Variants in RGS7 observed in about 807,000 individuals in gnomAD.
RGS7 encodes regulator of G protein signaling 7.
In RGS7, 27 loss-of-function variants were observed where a neutral mutation model predicts 81.1. The ratio of observed to expected loss-of-function variants is 0.33; its 90% confidence interval spans 0.25 to 0.46. The LOEUF (loss-of-function observed/expected upper bound fraction) is 0.46. Ranked by LOEUF, RGS7 falls within the 20% of genes least tolerant of loss-of-function variation. The pLI is 1.00. For missense variants in RGS7, 396 were observed against 607.4 expected (o/e 0.65, Z 3.66); for synonymous variants, 208 against 207.7 (o/e 1.00, Z -0.01).
intron 2 of RGS7, among the ~76,000 whole-genome samples, chr1:241,244,092 G>A (rs756228609): frequency 6.6e-6 from 1 of 152,016 alleles, no homozygotes; most frequent in Non-Finnish European, 1.5e-5. Context: ...GACCTATCCA[G>A]GTACATATTA....
chr1:241,299,533 C>T (rs1332734192), intron 2 of RGS7, among the ~76,000 whole-genome samples: 1 of 151,746 alleles, frequency 6.6e-6, no homozygotes, highest in African/African-American at 2.4e-5. Flanking sequence ...TCAGCTTTGG[C>T]TGCTATGGCA....
rs60881082 is a variant in RGS7, at chr1:241,153,610, C to A, written c.79-54848G>T. Among the ~76,000 whole-genome samples, 462 of 152,374 alleles carry A rather than the reference C, an allele frequency of 3.0e-3. 12 individuals carry two copies. In the East Asian group the frequency reaches 0.056, roughly 19 times the overall value. ...TACCACCTGTGTTGGGGCAGGTAAG[C>A]CCACCTCTTTGGGTGTTCAGCATTG... is the stretch of plus-strand genomic sequence containing the variant. On this transcript the variant is annotated intron_variant, in intron 2 of 18. Transcript: ENST00000440928.
chr1:241,314,742 G>A (rs944593551), intron 2 of RGS7, among the ~76,000 whole-genome samples: 3 of 152,106 alleles, frequency 2.0e-5, no homozygotes, highest in Non-Finnish European at 4.4e-5. Context: ...GCTGTGGTCG[G>A]GCCCAGACAC....
At chr1:241,124,828 T>C (rs1331555562) in intron 2 of RGS7, among the ~76,000 whole-genome samples, 1 of 152,196 alleles carries the variant, frequency 6.6e-6, no homozygotes, top group Non-Finnish European at 1.5e-5. Flanking sequence ...GATAGGACAC[T>C]GTAGGCGCTG....
At chr1:241,169,159 C>T (rs970430614) in intron 2 of RGS7, among the ~76,000 whole-genome samples, 1 of 151,900 alleles carries the variant, frequency 6.6e-6, no homozygotes, top group African/African-American at 2.4e-5. Context: ...TACATACATA[C>T]ATTTATACAC....
At chr1:241,006,607 G>T (rs889124681) in intron 3 of RGS7, among the ~76,000 whole-genome samples, 2 of 152,206 alleles carry the variant, frequency 1.3e-5, no homozygotes, top group South Asian at 2.1e-4. Flanking sequence ...AAGCTCAAGA[G>T]ACTTCTCTGA....
chr1:240,999,084 C>T (rs974977984), intron 3 of RGS7, among the ~76,000 whole-genome samples: 6 of 152,032 alleles, frequency 3.9e-5, no homozygotes, highest in African/African-American at 1.2e-4. Context: ...TCCATCTTAT[C>T]GATTTTGCCA....
intron 4 of RGS7, among the ~76,000 whole-genome samples, chr1:240,965,831 C>T (rs1682199225): frequency 1.3e-5 from 2 of 152,094 alleles, no homozygotes; most frequent in South Asian, 4.2e-4. Context: ...CGTCAGTGAC[C>T]ACAAATTTAT....
At chr1:241,334,870 A>C (rs2082160002) in intron 2 of RGS7, among the ~76,000 whole-genome samples, 1 of 152,184 alleles carries the variant, frequency 6.6e-6, no homozygotes, top group Admixed American at 6.5e-5. Context: ...GAATAAACCA[A>C]ATATTTATTT....
intron 9 of RGS7, among the ~76,000 whole-genome samples, chr1:240,863,654 CAT>C (rs1412995273): frequency 2.0e-5 from 3 of 152,118 alleles, no homozygotes; most frequent in Non-Finnish European, 4.4e-5. Flanking sequence ...GTATTCTACA[CAT>C]GTTAGTTGGA....
chr1:241,336,764 T>C (rs2082269105), intron 2 of RGS7, among the ~76,000 whole-genome samples: 1 of 152,228 alleles, frequency 6.6e-6, no homozygotes, highest in Non-Finnish European at 1.5e-5. Context: ...GCCTTATTGC[T>C]TGCATAACAT....
intron 2 of RGS7, among the ~76,000 whole-genome samples, chr1:241,129,765 T>A (rs546420306): frequency 1.3e-5 from 2 of 152,086 alleles, no homozygotes; most frequent in African/African-American, 4.8e-5. Context: ...CGAGTCTGTA[T>A]TTCCAAAAAA....
chr1:240,952,123 A>G (rs114851073), intron 4 of RGS7, among the ~76,000 whole-genome samples: 39 of 152,236 alleles, frequency 2.6e-4, no homozygotes, highest in Non-Finnish European at 5.3e-4. Context: ...GCCTTGCCAG[A>G]AAGGTTACAA....
intron 6 of RGS7, among the ~76,000 whole-genome samples, chr1:240,911,396 C>A (rs1047442696): frequency 6.6e-6 from 1 of 152,158 alleles, no homozygotes. Flanking sequence ...CTTGATTCTT[C>A]TTCTGGTGAT....
intron 4 of RGS7, among the ~76,000 whole-genome samples, chr1:240,939,124 A>C (rs1288559865): frequency 6.6e-6 from 1 of 152,226 alleles, no homozygotes; most frequent in Non-Finnish European, 1.5e-5. Context: ...CTTCCAGCCT[A>C]GTAGGTACTA....
At chr1:241,167,142 C>A (rs4659588) in intron 2 of RGS7, among the ~76,000 whole-genome samples, 1 of 151,936 alleles carries the variant, frequency 6.6e-6, no homozygotes, top group Non-Finnish European at 1.5e-5. Flanking sequence ...GGGGAGAGGA[C>A]GTGAATGACA....
At chr1:241,233,396 G>C (rs2686229) in intron 2 of RGS7, among the ~76,000 whole-genome samples, 87,366 of 152,028 alleles carry the variant, frequency 0.57, 25,317 homozygotes, top group African/African-American at 0.61. Context: ...ACTGCCATTC[G>C]CAGCCTCTGG....
At chr1:241,152,125 C>G in intron 2 of RGS7, among the ~76,000 whole-genome samples, 1 of 147,542 alleles carries the variant, frequency 6.8e-6, no homozygotes, top group Non-Finnish European at 1.5e-5. Context: ...CCAATAATTC[C>G]AGCTCATTAG....
chr1:241,229,544 CT>C, intron 2 of RGS7, among the ~76,000 whole-genome samples: 1 of 152,168 alleles, frequency 6.6e-6, no homozygotes, highest in Non-Finnish European at 1.5e-5. Context: ...CCGAAACCGC[CT>C]TCTCAAGCTA....
Sources: gnomAD v4.1 joint callset for allele counts (sites outside exome capture counted in the v4.1 genomes callset) on GRCh38, gnomAD v4.1.1 for gene constraint, MANE v1.5 for transcripts, NCBI Gene and HGNC (gene_info 2026-07-23, HGNC 2026-07-21) for gene names.